VWA5B1: variants seen among roughly 807,000 people sequenced by gnomAD.
The protein encoded by VWA5B1 is von Willebrand factor A domain-containing protein 5B1.
In VWA5B1, 115 loss-of-function variants were observed where a neutral mutation model predicts 118.2. The observed-to-expected ratio is 0.97, with a 90% CI of 0.84 to 1.14. VWA5B1 has a LOEUF of 1.14. Ranked by LOEUF, VWA5B1 falls within the 50% of genes most tolerant of loss-of-function variation. The pLI, the probability that VWA5B1 is intolerant of heterozygous loss-of-function variation, is 0.00. For synonymous variants in VWA5B1, 682 were observed against 658.4 expected, an observed-to-expected ratio of 1.04 and a Z score of -0.55; for missense variants, 1,596 against 1,603.8, an observed-to-expected ratio of 1.00 and a Z score of 0.08.
chr1:20,330,724 C>A, intron 10 of VWA5B1, 145 bp from the exon 11 acceptor site: 2 of 823,506 alleles, frequency 2.4e-6, no homozygotes, highest in Non-Finnish European at 4.0e-6. Context: ...CCCCCGATGG[C>A]CCCTCTTCCT....
chr1:20,296,305 A>G (rs1417026323), intron 1 of VWA5B1, among the ~76,000 whole-genome samples: 1 of 152,230 alleles, frequency 6.6e-6, no homozygotes, highest in Non-Finnish European at 1.5e-5. Flanking sequence ...CATGTCCATC[A>G]GTTTCTCCGT....
chr1:20,297,597 C>G (rs2088430070), intron 1 of VWA5B1, among the ~76,000 whole-genome samples: 1 of 152,214 alleles, frequency 6.6e-6, no homozygotes, highest in African/African-American at 2.4e-5. Context: ...GATCAGAATA[C>G]TTATAGGAAA....
intron 15 of VWA5B1, among the ~76,000 whole-genome samples, 153 bp from the exon 16 acceptor site, chr1:20,342,926 A>G (rs917517939): frequency 1.3e-5 from 2 of 152,124 alleles, no homozygotes; most frequent in Non-Finnish European, 2.9e-5. Context: ...CAGCTGTCCT[A>G]GGAAAGCAGT....
chr1:20,315,874 T>G (rs141892478), intron 4 of VWA5B1, among the ~76,000 whole-genome samples: 6 of 152,334 alleles, frequency 3.9e-5, no homozygotes, highest in African/African-American at 1.4e-4. Context: ...CTGTGTGTTG[T>G]CTTTGTAAGT....
intron 1 of VWA5B1, among the ~76,000 whole-genome samples, chr1:20,297,571 G>T (rs146249685): frequency 6.6e-6 from 1 of 152,196 alleles, no homozygotes; most frequent in Admixed American, 6.5e-5. Flanking sequence ...ATTTAAGAGC[G>T]GGGCATCATA....
At chr1:20,297,957 T>G (rs1403890250) in intron 1 of VWA5B1, among the ~76,000 whole-genome samples, 1 of 148,106 alleles carries the variant, frequency 6.8e-6, no homozygotes, top group Non-Finnish European at 1.5e-5. Flanking sequence ...CTATGAGGCA[T>G]GGAGGCTCAT....
intron 17 of VWA5B1, among the ~76,000 whole-genome samples, chr1:20,346,751 C>CT (rs1323753431): frequency 6.6e-6 from 1 of 152,152 alleles, no homozygotes; most frequent in Non-Finnish European, 1.5e-5. Flanking sequence ...ACTATTTGTG[C>CT]TTTTTTTGTT....
At chr1:20,301,429 G>A (rs1170543997) in intron 1 of VWA5B1, among the ~76,000 whole-genome samples, 1 of 152,234 alleles carries the variant, frequency 6.6e-6, no homozygotes, top group Non-Finnish European at 1.5e-5. Context: ...GAATTTCAAA[G>A]AAGCATCCAA....
At position 20,318,324 on chromosome 1, in the gene VWA5B1, C is replaced by T. The variant is rs541890642; in HGVS notation, c.710-266C>T. On this transcript the variant is annotated intron_variant, in intron 5 of 21. Transcript: ENST00000289815. Reference sequence around the variant, plus strand: ...GCTTGGCAGGATGCTGGGATCAGTGCGTGCCCTATAAGAATGCAACTCCTC... The same window carrying T: ...GCTTGGCAGGATGCTGGGATCAGTGTGTGCCCTATAAGAATGCAACTCCTC... 2.3e-5 allele frequency: 12 copies of T among 514,894 alleles called. No individual in the cohort carries two copies. In the East Asian group the frequency reaches 4.1e-4, roughly 17 times the overall value. The allele number at this position is 514,894 out of a possible 1,614,324, so 31.9% of individuals were successfully genotyped here.
chr1:20,307,195 C>T (rs1033024591), intron 1 of VWA5B1, among the ~76,000 whole-genome samples: 5 of 152,230 alleles, frequency 3.3e-5, no homozygotes, highest in Non-Finnish European at 7.3e-5. Context: ...ACACCAGACA[C>T]CATTCCGAAG....
At chr1:20,322,076 C>T (rs1158570890) in intron 7 of VWA5B1, among the ~76,000 whole-genome samples, 2 of 152,168 alleles carry the variant, frequency 1.3e-5, no homozygotes, top group East Asian at 1.9e-4. Flanking sequence ...CTCCTGAACA[C>T]GGGCAGTAGC....
intron 17 of VWA5B1, among the ~76,000 whole-genome samples, chr1:20,346,447 C>A (rs143521659): frequency 6.6e-6 from 1 of 152,254 alleles, no homozygotes; most frequent in East Asian, 1.9e-4. Context: ...TTATTTTATT[C>A]CCCATTTGGT....
intron 1 of VWA5B1, among the ~76,000 whole-genome samples, chr1:20,294,011 G>C (rs74635485): frequency 0.014 from 2,077 of 152,282 alleles, 21 homozygotes; most frequent in Non-Finnish European, 0.019. Context: ...AGACAAGAAA[G>C]GGTGGAAATA....
At chr1:20,306,187 A>C (rs917458230) in intron 1 of VWA5B1, among the ~76,000 whole-genome samples, 31 of 152,202 alleles carry the variant, frequency 2.0e-4, no homozygotes, top group African/African-American at 7.0e-4. Flanking sequence ...TGCAATTTTA[A>C]AGTAGGTTTT....
Position 20,298,650 on chromosome 1 carries a change from G to T in VWA5B1, c.-27+7562G>T, listed in dbSNP as rs186973626. Reference sequence around the variant, plus strand: ...AGATCAGAAAACTGAGGTCAGTGAGGTGAAGTAGCTTGCCTGTGTCACCCA... The same window carrying T: ...AGATCAGAAAACTGAGGTCAGTGAGTTGAAGTAGCTTGCCTGTGTCACCCA... On this transcript the variant is annotated intron_variant, in intron 1 of 21. Coordinates refer to ENST00000289815, the MANE Select transcript of VWA5B1 (RefSeq NM_001039500.3). 3.9e-5 allele frequency among the ~76,000 whole-genome samples: 6 copies of T among 152,150 alleles called. No individual in the cohort carries two copies. In the East Asian group the frequency reaches 1.2e-3, roughly 30 times the overall value.
intron 1 of VWA5B1, among the ~76,000 whole-genome samples, chr1:20,291,971 C>A (rs866797818): frequency 6.6e-6 from 1 of 152,186 alleles, no homozygotes; most frequent in Non-Finnish European, 1.5e-5. Context: ...GCCTGTGGGG[C>A]GGGGGCCAGA....
intron 1 of VWA5B1, among the ~76,000 whole-genome samples, chr1:20,309,250 A>G (rs1483715243): frequency 1.3e-5 from 2 of 152,238 alleles, no homozygotes; most frequent in African/African-American, 4.8e-5. Context: ...TGTAGCGCCT[A>G]TGCTCAAATG....
At chr1:20,297,996 A>ATTTTTTTTTT (rs60497976) in intron 1 of VWA5B1, among the ~76,000 whole-genome samples, 100 of 126,640 alleles carry the variant, frequency 7.9e-4, no homozygotes, top group Non-Finnish European at 8.1e-4. Flanking sequence ...TCGGTGGTGG[A>ATTTTTTTTTT]TTTTTTTTTT....
intron 19 of VWA5B1, among the ~76,000 whole-genome samples, chr1:20,350,513 C>A (rs766174334): frequency 1.2e-4 from 18 of 152,192 alleles, no homozygotes; most frequent in Non-Finnish European, 2.9e-5. Flanking sequence ...CTCCGCTCTG[C>A]CTAGAGTCCT....
Sources: allele counts gnomAD v4.1 joint callset (sites outside exome capture counted in the v4.1 genomes callset), GRCh38; gene constraint gnomAD v4.1.1; transcripts MANE v1.5; gene names NCBI Gene and HGNC (gene_info 2026-07-23, HGNC 2026-07-21).